The following KIF16B variants were observed in gnomAD, a reference collection of about 807,000 sequenced individuals.
The protein encoded by KIF16B is kinesin family member 16B.
In KIF16B, 98 loss-of-function variants were observed where a neutral mutation model predicts 156.3. The observed-to-expected ratio is 0.63, with a 90% CI of 0.53 to 0.74. KIF16B has a LOEUF of 0.74. KIF16B is among the 30% of genes least tolerant of loss of function. The pLI, the probability that KIF16B is intolerant of heterozygous loss-of-function variation, is 0.00. For synonymous variants in KIF16B, 564 were observed against 583.7 expected, an observed-to-expected ratio of 0.97 and a Z score of 0.49; for missense variants, 1,421 against 1,606.5, an observed-to-expected ratio of 0.88 and a Z score of 1.97.
chr20:16,506,912 T>C (rs942773651), intron 7 of KIF16B, among the ~76,000 whole-genome samples: 2 of 150,708 alleles, frequency 1.3e-5, no homozygotes, highest in Non-Finnish European at 3.0e-5. Flanking sequence ...CTGGGCATCA[T>C]AGTGAGACAC....
intron 22 of KIF16B, among the ~76,000 whole-genome samples, chr20:16,365,865 C>T (rs1339551504): frequency 6.6e-6 from 1 of 152,136 alleles, no homozygotes; most frequent in African/African-American, 2.4e-5. Context: ...CATCCAACGT[C>T]CACTGAGAGC....
chr20:16,406,523 A>C, intron 15 of KIF16B, 67 bp from the exon 16 acceptor site: 1 of 1,252,606 alleles, frequency 8.0e-7, no homozygotes, highest in Non-Finnish European at 1.2e-6. Context: ...ATACCATAAC[A>C]TGGAATTCTA....
chr20:16,497,354 C>A (rs757092703), intron 11 of KIF16B, among the ~76,000 whole-genome samples: 9 of 152,222 alleles, frequency 5.9e-5, no homozygotes, highest in Non-Finnish European at 8.8e-5. Context: ...TGAGCAGCCT[C>A]ACTGCTTTGC....
intron 1 of KIF16B, among the ~76,000 whole-genome samples, chr20:16,541,429 TC>T (rs1217133679): frequency 2.6e-5 from 4 of 152,002 alleles, no homozygotes; most frequent in African/African-American, 9.7e-5. Flanking sequence ...CTCCACTCCG[TC>T]CCCCATGGGC....
At chr20:16,376,583 C>T (rs1318058267) in intron 19 of KIF16B, among the ~76,000 whole-genome samples, 9 of 152,336 alleles carry the variant, frequency 5.9e-5, no homozygotes, top group South Asian at 2.1e-4. Context: ...CGGAATCCGT[C>T]GGCCTGAATT....
At chr20:16,274,075 T>TAA (rs56847164) in intron 25 of KIF16B, among the ~76,000 whole-genome samples, 1,759 of 118,428 alleles carry the variant, frequency 0.015, 42 homozygotes, top group African/African-American at 0.052. Context: ...GAAAGATGAT[T>TAA]AAAAAAAAAA....
At chr20:16,530,101 T>C (rs947160609) in intron 1 of KIF16B, among the ~76,000 whole-genome samples, 1 of 152,172 alleles carries the variant, frequency 6.6e-6, no homozygotes, top group African/African-American at 2.4e-5. Flanking sequence ...ATAAATAACA[T>C]TTTCCACTAA....
chr20:16,455,257 G>T (rs2067184567), intron 12 of KIF16B, among the ~76,000 whole-genome samples: 1 of 151,890 alleles, frequency 6.6e-6, no homozygotes, highest in South Asian at 2.1e-4. Flanking sequence ...TGTTGCTCAG[G>T]CTGGTCTTAA....
chr20:16,398,038 T>A (rs2065555554), intron 17 of KIF16B, among the ~76,000 whole-genome samples: 2 of 152,044 alleles, frequency 1.3e-5, no homozygotes, highest in Non-Finnish European at 2.9e-5. Flanking sequence ...AAACATCAAA[T>A]GAACAAATTT....
intron 20 of KIF16B, among the ~76,000 whole-genome samples, chr20:16,372,244 A>G (rs749559607): frequency 1.6e-4 from 24 of 152,214 alleles, no homozygotes; most frequent in Non-Finnish European, 2.8e-4. Context: ...AGAAATGGAC[A>G]TGCTCTCTAC....
intron 10 of KIF16B, among the ~76,000 whole-genome samples, chr20:16,501,210 C>A (rs186715530): frequency 1.6e-3 from 250 of 152,034 alleles, no homozygotes; most frequent in East Asian, 6.2e-3. Context: ...ATTGAACCAG[C>A]ACTTTTATAC....
At chr20:16,495,531 G>C (rs1459870279) in intron 11 of KIF16B, among the ~76,000 whole-genome samples, 2 of 152,138 alleles carry the variant, frequency 1.3e-5, no homozygotes, top group Admixed American at 6.5e-5. Flanking sequence ...CCTCAAATAA[G>C]ACTGTGGGAA....
chr20:16,354,727 C>T (rs376676056), intron 23 of KIF16B, among the ~76,000 whole-genome samples: 24 of 152,180 alleles, frequency 1.6e-4, no homozygotes, highest in African/African-American at 5.8e-4. Context: ...AGGTGGATCA[C>T]GAGCTCAGGA....
At chr20:16,482,160 T>C (rs1182489693) in intron 12 of KIF16B, among the ~76,000 whole-genome samples, 1 of 152,110 alleles carries the variant, frequency 6.6e-6, no homozygotes, top group Non-Finnish European at 1.5e-5. Flanking sequence ...TAGGCCCTTA[T>C]TCTTTTGTCA....
chr20:16,550,929 A>G lies in KIF16B; in HGVS notation c.47+22300T>C, dbSNP rs149934552. Among the ~76,000 whole-genome samples the G allele has an allele frequency of 6.1e-3, 928 of 152,306 alleles. 25 individuals are homozygous for G. The highest frequency in any genetic ancestry group is 0.044 in the Admixed American group (680 of 15,296). The stretch of plus-strand genomic sequence containing the variant: ...ATTAGTTGCCAACATATTTAAAATA[A>G]TATTTTACATGAGAGCCTGGATTTC... On this transcript the variant is annotated intron_variant, in intron 1 of 25. Coordinates refer to ENST00000354981, the MANE Select transcript of KIF16B (RefSeq NM_024704.5).
chr20:16,353,517 G>T, intron 23 of KIF16B, among the ~76,000 whole-genome samples: 1 of 151,954 alleles, frequency 6.6e-6, no homozygotes, highest in East Asian at 1.9e-4. Context: ...TTAGTATGTG[G>T]CAGGCACTGT....
intron 17 of KIF16B, among the ~76,000 whole-genome samples, chr20:16,388,530 G>T (rs939382330): frequency 3.3e-5 from 5 of 152,082 alleles, no homozygotes; most frequent in African/African-American, 1.2e-4. Context: ...AAACCACAAA[G>T]AATGTAATTT....
intron 12 of KIF16B, among the ~76,000 whole-genome samples, chr20:16,485,688 G>T (rs2068094328): frequency 6.6e-6 from 1 of 152,162 alleles, no homozygotes; most frequent in South Asian, 2.1e-4. Context: ...CAACCATTCA[G>T]TGTTCAGACC....
At chr20:16,456,567 T>C (rs1024229242) in intron 12 of KIF16B, among the ~76,000 whole-genome samples, 3 of 152,060 alleles carry the variant, frequency 2.0e-5, no homozygotes, top group Non-Finnish European at 4.4e-5. Flanking sequence ...GGGAAACAAA[T>C]AGGCACTAAA....
Sources: gnomAD v4.1 joint callset for allele counts (sites outside exome capture counted in the v4.1 genomes callset) on GRCh38, gnomAD v4.1.1 for gene constraint, MANE v1.5 for transcripts, NCBI Gene and HGNC (gene_info 2026-07-23, HGNC 2026-07-21) for gene names.